Variants in KAT7 observed in about 807,000 individuals in gnomAD.
KAT7 encodes lysine acetyltransferase 7, also known as histone acetyltransferase KAT7.
In KAT7, 10 loss-of-function variants were observed where a neutral mutation model predicts 82.1. The observed-to-expected ratio is 0.12, with a 90% CI of 0.08 to 0.21. The LOEUF (loss-of-function observed/expected upper bound fraction) is 0.21, where lower values mean the gene tolerates loss of function less well. Ranked by LOEUF, KAT7 falls within the 10% of genes least tolerant of loss-of-function variation. KAT7 has a pLI of 1.00. For missense variants in KAT7, 378 were observed against 760.9 expected, an observed-to-expected ratio of 0.50 and a Z score of 5.92; for synonymous variants, 250 against 262.5, an observed-to-expected ratio of 0.95 and a Z score of 0.46.
intron 13 of KAT7, 150 bp from the exon 14 acceptor site, chr17:49,826,543 A>G: frequency 1.6e-6 from 1 of 628,388 alleles, no homozygotes; most frequent in Non-Finnish European, 2.9e-6. Flanking sequence ...GGTCAAATGA[A>G]TACTTTGTAA....
chr17:49,816,017 C>G, intron 8 of KAT7, 104 bp downstream of exon 8: 1 of 660,388 alleles, frequency 1.5e-6, no homozygotes, highest in Non-Finnish European at 2.7e-6. Context: ...ATGTACCTTG[C>G]TTCTGGAATC....
intron 5 of KAT7, among the ~76,000 whole-genome samples, chr17:49,807,391 A>G (rs956818634): frequency 1.2e-4 from 18 of 152,170 alleles, no homozygotes; most frequent in African/African-American, 4.3e-4. Flanking sequence ...AAAGATCTAG[A>G]AGAAAAGATA....
rs2074364719 is a variant in KAT7 at position 49,825,992 on chromosome 17, C to T, written c.1481-8C>T. 1 of 1,605,736 alleles carries T rather than the reference C, an allele frequency of 6.2e-7. No homozygotes were observed. The highest frequency in any genetic ancestry group is 2.2e-5 in the East Asian group (1 of 44,730). ...TGCTAGAAAAAGTCTGTATTTGTTC[C>T]CTGGCAGGTTATTTGCTTTCCAAAG... is the stretch of plus-strand genomic sequence containing the variant. On this transcript the variant is annotated splice_region_variant and splice_polypyrimidine_tract_variant and intron_variant, in intron 12 of 14. Transcript: ENST00000259021.
At chr17:49,800,938 G>T (rs2074017160) in intron 4 of KAT7, among the ~76,000 whole-genome samples, 1 of 152,118 alleles carries the variant, frequency 6.6e-6, no homozygotes, top group South Asian at 2.1e-4. Flanking sequence ...CTTGCTGTTG[G>T]AATATTTGAG....
Position 49,788,765 on chromosome 17 carries a change from C to T in KAT7, c.-70C>T. The T allele has an allele frequency of 1.3e-6, 2 of 1,530,830 alleles. No homozygotes were observed. The highest frequency in any genetic ancestry group is 1.2e-5 in the South Asian group (1 of 83,334). 94.8% of individuals were successfully genotyped at this position (1,530,830 alleles called of 1,614,324 possible). On this transcript the variant is annotated 5_prime_UTR_variant, in exon 1 of 15. Coordinates refer to ENST00000259021, the MANE Select transcript of KAT7 (RefSeq NM_007067.5). ...CTGATACAGAGGCCGCCACGGAGCC[C>T]GCCGGAGCCACCGTTCCTGCTGCTG...
At chr17:49,812,964 G>A (rs35886652) in intron 7 of KAT7, among the ~76,000 whole-genome samples, 8,927 of 147,052 alleles carry the variant, frequency 0.061, 376 homozygotes, top group Middle Eastern at 0.12. Flanking sequence ...GCCTCCCGAA[G>A]TGCTGGGATT....
intron 2 of KAT7, among the ~76,000 whole-genome samples, chr17:49,793,150 T>C (rs1229870009): frequency 2.0e-5 from 3 of 152,210 alleles, no homozygotes; most frequent in Non-Finnish European, 4.4e-5. Flanking sequence ...TTTCAACTTA[T>C]GATAGTTTTA....
chr17:49,799,710 C>CTCTG (rs1415735887), intron 4 of KAT7, among the ~76,000 whole-genome samples: 1 of 152,142 alleles, frequency 6.6e-6, no homozygotes, highest in Non-Finnish European at 1.5e-5. Context: ...ATTGCCCAGG[C>CTCTG]AGAGGTGCAG....
chr17:49,814,547 TGA>T (rs2143941197), intron 7 of KAT7, among the ~76,000 whole-genome samples: 1 of 152,340 alleles, frequency 6.6e-6, no homozygotes, highest in African/African-American at 2.4e-5. Context: ...AAACTAAGAC[TGA>T]GAGAGGTAAC....
intron 4 of KAT7, 107 bp downstream of exon 4, chr17:49,798,665 A>G (rs2073986053): frequency 8.4e-7 from 1 of 1,184,648 alleles, no homozygotes; most frequent in East Asian, 2.4e-5. Flanking sequence ...TAGGCTCTTC[A>G]GTGGTCATGT....
At chr17:49,817,118 C>T (rs2074244362) in intron 8 of KAT7, among the ~76,000 whole-genome samples, 1 of 152,050 alleles carries the variant, frequency 6.6e-6, no homozygotes, top group Non-Finnish European at 1.5e-5. Flanking sequence ...ATAAAAGCTT[C>T]TGCAGATAAG....
intron 12 of KAT7, chr17:49,824,622 G>C (rs1598090406): frequency 6.6e-6 from 1 of 152,090 alleles, no homozygotes. Context: ...CAGCCTCCCA[G>C]AGTGCTGGAA....
At chr17:49,822,894 G>A (rs1386103699) in intron 11 of KAT7, among the ~76,000 whole-genome samples, 3 of 151,978 alleles carry the variant, frequency 2.0e-5, no homozygotes, top group Non-Finnish European at 2.9e-5. Flanking sequence ...CAAAAATTGC[G>A]TTTAAAGTGG....
intron 8 of KAT7, 124 bp from the exon 9 acceptor site, chr17:49,817,696 G>A: frequency 1.5e-6 from 1 of 682,364 alleles, no homozygotes; most frequent in East Asian, 2.7e-5. Context: ...CGAACTCCTG[G>A]CCTTAAGTGA....
intron 3 of KAT7, among the ~76,000 whole-genome samples, chr17:49,797,348 C>T (rs1299198516): frequency 1.3e-5 from 2 of 152,176 alleles, no homozygotes; most frequent in African/African-American, 4.8e-5. Flanking sequence ...CAGGTATAAG[C>T]CACCATGCCC....
chr17:49,792,223 A>G (rs2073899575), intron 2 of KAT7, among the ~76,000 whole-genome samples, 190 bp downstream of exon 2: 1 of 152,194 alleles, frequency 6.6e-6, no homozygotes, highest in African/African-American at 2.4e-5. Flanking sequence ...GGGGGCTACT[A>G]TCCAATCTGT....
At chr17:49,819,250 C>T (rs1355290812) in intron 9 of KAT7, among the ~76,000 whole-genome samples, 1 of 152,128 alleles carries the variant, frequency 6.6e-6, no homozygotes, top group Non-Finnish European at 1.5e-5. Context: ...TCTGTAAGTT[C>T]AGGGCCCAGA....
At chr17:49,810,890 A>G (rs1190468531) in intron 6 of KAT7, among the ~76,000 whole-genome samples, 3 of 152,080 alleles carry the variant, frequency 2.0e-5, no homozygotes, top group African/African-American at 7.2e-5. Flanking sequence ...TCCCAGTTAC[A>G]TGGAAGACTG....
At chr17:49,816,532 T>A (rs891511012) in intron 8 of KAT7, among the ~76,000 whole-genome samples, 2 of 152,192 alleles carry the variant, frequency 1.3e-5, no homozygotes, top group African/African-American at 4.8e-5. Flanking sequence ...AGATTAAATG[T>A]GTTCAGGGAA....
Sources: gnomAD v4.1 joint callset for allele counts (sites outside exome capture counted in the v4.1 genomes callset) on GRCh38, gnomAD v4.1.1 for gene constraint, MANE v1.5 for transcripts, NCBI Gene and HGNC (gene_info 2026-07-23, HGNC 2026-07-21) for gene names.